The following SPIN1 variants were observed in gnomAD, a reference collection of about 807,000 sequenced individuals.
SPIN1 encodes spindlin 1.
In SPIN1, 3 loss-of-function variants were observed where a neutral mutation model predicts 26.0. The ratio of observed to expected loss-of-function variants is 0.12; its 90% CI spans 0.05 to 0.30. The LOEUF is 0.30. Among genes scored for constraint, SPIN1 ranks in the 10% least tolerant of loss-of-function variants. The probability of loss-of-function intolerance (pLI) is 1.00; values close to 1 mark genes in which losing one functional copy is unlikely to be tolerated. For synonymous variants in SPIN1, 101 were observed against 116.5 expected (o/e 0.87, Z 0.86); for missense variants, 126 against 333.4 (o/e 0.38, Z 4.84).
chr9:88,449,989 A>G (rs1486027934), intron 3 of SPIN1, among the ~76,000 whole-genome samples: 1 of 152,246 alleles, frequency 6.6e-6, no homozygotes, highest in African/African-American at 2.4e-5. Context: ...AAAAGTCTCC[A>G]AAATGTGTAC....
chr9:88,435,162 G>A (rs901736045), intron 2 of SPIN1, among the ~76,000 whole-genome samples: 3 of 151,544 alleles, frequency 2.0e-5, no homozygotes, highest in Non-Finnish European at 4.4e-5. Flanking sequence ...GATTTTGTGA[G>A]ATCTCACCAG....
intron 1 of SPIN1, among the ~76,000 whole-genome samples, chr9:88,423,219 A>G (rs1257013499): frequency 1.3e-5 from 2 of 152,204 alleles, no homozygotes; most frequent in African/African-American, 4.8e-5. Context: ...ACTTCAGAAT[A>G]TCAGTAAGTT....
At chr9:88,451,168 T>G (rs1828345312) in intron 3 of SPIN1, among the ~76,000 whole-genome samples, 1 of 152,074 alleles carries the variant, frequency 6.6e-6, no homozygotes, top group Non-Finnish European at 1.5e-5. Flanking sequence ...CACTTCTGAC[T>G]CAACGGGAGT....
intron 1 of SPIN1, among the ~76,000 whole-genome samples, chr9:88,401,634 T>C (rs988096176): frequency 4.6e-5 from 7 of 152,216 alleles, no homozygotes; most frequent in African/African-American, 1.7e-4. Flanking sequence ...GAAAAAACTT[T>C]ATGTGTTTGG....
At chr9:88,474,860 A>C (rs1307145762) in intron 5 of SPIN1, among the ~76,000 whole-genome samples, 2 of 152,192 alleles carry the variant, frequency 1.3e-5, no homozygotes, top group African/African-American at 4.8e-5. Flanking sequence ...AGAGTTCAGC[A>C]GTTGGGACAG....
In SPIN1 at chr9:88,414,226, C is replaced by T. The variant is rs957418834; in HGVS notation, c.-158-12156C>T. Among the ~76,000 whole-genome samples, 8 of 152,258 alleles carry T rather than the reference C, an allele frequency of 5.3e-5. No individual in the cohort carries two copies. In the South Asian group the frequency reaches 1.2e-3, roughly 24 times the overall value. On this transcript the variant is annotated intron_variant, in intron 1 of 5. Transcript: ENST00000375859. ...CAGCATGATCCATTGAATCATTGGC[C>T]TTGAGCTTGAACTCAATTTCTTGCT...
intron 2 of SPIN1, among the ~76,000 whole-genome samples, chr9:88,446,841 T>A (rs78186807): frequency 0.011 from 1,671 of 152,362 alleles, 20 homozygotes; most frequent in Non-Finnish European, 0.018. Context: ...TTTAGCCATT[T>A]AAAAAAACTT....
chr9:88,444,540 G>A (rs984217913), intron 2 of SPIN1, among the ~76,000 whole-genome samples: 9 of 149,752 alleles, frequency 6.0e-5, no homozygotes, highest in African/African-American at 1.7e-4. Flanking sequence ...ACCGCGCCCG[G>A]CCCCCATTCT....
chr9:88,393,940 C>T (rs1287267048), intron 1 of SPIN1, among the ~76,000 whole-genome samples: 2 of 152,030 alleles, frequency 1.3e-5, no homozygotes, highest in African/African-American at 2.4e-5. Flanking sequence ...CTCCGCCTCC[C>T]GGGTTCAAGC....
At chr9:88,409,762 C>A (rs1827397122) in intron 1 of SPIN1, among the ~76,000 whole-genome samples, 1 of 151,492 alleles carries the variant, frequency 6.6e-6, no homozygotes, top group South Asian at 2.1e-4. Context: ...GGTGTGAACC[C>A]AGGAGGCGGA....
At chr9:88,437,871 T>C (rs187877884) in intron 2 of SPIN1, among the ~76,000 whole-genome samples, 2 of 152,234 alleles carry the variant, frequency 1.3e-5, no homozygotes, top group Non-Finnish European at 2.9e-5. Flanking sequence ...ACTTTAGATC[T>C]TTCTTTATCT....
intron 1 of SPIN1, chr9:88,416,667 A>T (rs1342501692): frequency 6.6e-6 from 1 of 152,196 alleles, no homozygotes; most frequent in Non-Finnish European, 1.5e-5. Flanking sequence ...CTTGTTGCCC[A>T]GGCTGGAGTG....
intron 1 of SPIN1, among the ~76,000 whole-genome samples, chr9:88,394,835 A>T (rs1445383113): frequency 7.2e-6 from 1 of 139,726 alleles, no homozygotes; most frequent in South Asian, 2.3e-4. Flanking sequence ...TTTGAGACAG[A>T]GTCTCGCTCT....
chr9:88,467,236 A>G (rs1454820041), intron 4 of SPIN1, among the ~76,000 whole-genome samples: 2 of 152,166 alleles, frequency 1.3e-5, no homozygotes, highest in East Asian at 1.9e-4. Context: ...TTAATCTATC[A>G]TTTCAGAGAC....
chr9:88,434,523 T>C (rs1055862483), intron 2 of SPIN1, among the ~76,000 whole-genome samples: 5 of 152,172 alleles, frequency 3.3e-5, no homozygotes, highest in Non-Finnish European at 2.9e-5. Flanking sequence ...ATGGGTGATA[T>C]AACTCCCCAT....
chr9:88,427,653 G>T (rs1437134252), intron 2 of SPIN1, among the ~76,000 whole-genome samples: 1 of 150,518 alleles, frequency 6.6e-6, no homozygotes, highest in Non-Finnish European at 1.5e-5. Flanking sequence ...TCACCCAGGC[G>T]ATCTTGGCTC....
At chr9:88,423,546 C>T (rs990683575) in intron 1 of SPIN1, among the ~76,000 whole-genome samples, 1 of 151,818 alleles carries the variant, frequency 6.6e-6, no homozygotes, top group Non-Finnish European at 1.5e-5. Flanking sequence ...TCAAGCAGTT[C>T]TCCTGCCTCA....
At chr9:88,452,963 G>T (rs1828392885) in intron 3 of SPIN1, among the ~76,000 whole-genome samples, 1 of 152,122 alleles carries the variant, frequency 6.6e-6, no homozygotes, top group African/African-American at 2.4e-5. Context: ...TTACTGGTAT[G>T]TGGTAGAATT....
At chr9:88,458,044 T>C (rs932751619) in intron 3 of SPIN1, 3 of 906,350 alleles carry the variant, frequency 3.3e-6, no homozygotes, top group South Asian at 5.1e-5. Flanking sequence ...ATGAAAAGTA[T>C]AGGTTTTGAT....
Sources: allele counts gnomAD v4.1 joint callset (sites outside exome capture counted in the v4.1 genomes callset), GRCh38; gene constraint gnomAD v4.1.1; transcripts MANE v1.5; gene names NCBI Gene and HGNC (gene_info 2026-07-23, HGNC 2026-07-21).